Variants in TMEM132B observed in about 807,000 individuals in gnomAD.
The protein encoded by TMEM132B is transmembrane protein 132B.
Under a neutral mutation model 90.8 loss-of-function variants are expected in TMEM132B, and 18 were observed. The observed-to-expected ratio is 0.20, with a 90% confidence interval of 0.14 to 0.29. The LOEUF (loss-of-function observed/expected upper bound fraction) is 0.29. TMEM132B is among the 10% of genes least tolerant of loss of function. The pLI, the probability that TMEM132B is intolerant of heterozygous loss-of-function variation, is 1.00. For missense variants in TMEM132B, 1,096 were observed against 1,326.8 expected (o/e 0.83, Z 2.70); for synonymous variants, 504 against 523.3 (o/e 0.96, Z 0.50).
chr12:125,549,072 T>C (rs955675138), intron 4 of TMEM132B, among the ~76,000 whole-genome samples: 2 of 152,204 alleles, frequency 1.3e-5, no homozygotes, highest in African/African-American at 4.8e-5. Flanking sequence ...AGGGAAATGA[T>C]TGGTCCTAAG....
intron 4 of TMEM132B, among the ~76,000 whole-genome samples, chr12:125,559,384 G>T (rs1884466166): frequency 6.6e-6 from 1 of 152,102 alleles, no homozygotes; most frequent in Non-Finnish European, 1.5e-5. Context: ...CACAGAAAAA[G>T]ACCCAAGTTC....
chr12:125,194,135 A>G (rs759689517), intron 1 of TMEM132B, among the ~76,000 whole-genome samples: 2 of 152,202 alleles, frequency 1.3e-5, no homozygotes, highest in African/African-American at 2.4e-5. Flanking sequence ...TAACTGATCA[A>G]TACCCTCTCC....
intron 5 of TMEM132B, among the ~76,000 whole-genome samples, chr12:125,641,470 C>T (rs1404808993): frequency 6.6e-6 from 1 of 152,060 alleles, no homozygotes; most frequent in Non-Finnish European, 1.5e-5. Flanking sequence ...GTATGATTAG[C>T]CTTATTTGTG....
At chr12:125,457,260 A>C (rs1366301424) in intron 3 of TMEM132B, among the ~76,000 whole-genome samples, 2 of 152,112 alleles carry the variant, frequency 1.3e-5, no homozygotes, top group Non-Finnish European at 2.9e-5. Context: ...TTCTCCCCTA[A>C]GACTGTCTTT....
chr12:125,385,218 C>CA (rs951137881), intron 2 of TMEM132B, among the ~76,000 whole-genome samples: 4 of 151,922 alleles, frequency 2.6e-5, no homozygotes, highest in African/African-American at 9.7e-5. Context: ...GCTCTCACAG[C>CA]AAAAAAGATT....
chr12:125,606,058 T>C (rs1885688463), intron 5 of TMEM132B, among the ~76,000 whole-genome samples: 1 of 152,196 alleles, frequency 6.6e-6, no homozygotes, highest in Non-Finnish European at 1.5e-5. Context: ...GGGAACAATG[T>C]ATTGTATGTC....
At chr12:125,249,825 T>C (rs1874279017) in intron 1 of TMEM132B, among the ~76,000 whole-genome samples, 1 of 152,196 alleles carries the variant, frequency 6.6e-6, no homozygotes, top group Non-Finnish European at 1.5e-5. Flanking sequence ...CTTAATCTCA[T>C]GTCACAGTTA....
intron 1 of TMEM132B, among the ~76,000 whole-genome samples, chr12:125,307,013 C>T (rs1225712765): frequency 6.6e-6 from 1 of 152,226 alleles, no homozygotes; most frequent in Non-Finnish European, 1.5e-5. Context: ...GGGACCTCCT[C>T]CTTTCCCTTT....
intron 4 of TMEM132B, among the ~76,000 whole-genome samples, chr12:125,546,718 A>G (rs188007346): frequency 6.6e-6 from 1 of 152,232 alleles, no homozygotes; most frequent in Non-Finnish European, 1.5e-5. Flanking sequence ...TCCAGTTTTT[A>G]TTACTAAAGC....
At chr12:125,387,132 C>T (rs1423595518) in intron 2 of TMEM132B, among the ~76,000 whole-genome samples, 1 of 145,372 alleles carries the variant, frequency 6.9e-6, no homozygotes. Context: ...AAAGTATTTG[C>T]CTCTGCTTTT....
chr12:125,391,073 GTC>G (rs1488408202), intron 2 of TMEM132B, among the ~76,000 whole-genome samples: 1 of 146,714 alleles, frequency 6.8e-6, no homozygotes, highest in South Asian at 2.2e-4. Context: ...GTGTGTGTGT[GTC>G]TCACTATCAA....
intron 5 of TMEM132B, among the ~76,000 whole-genome samples, chr12:125,592,026 TG>T: frequency 6.6e-6 from 1 of 152,310 alleles, no homozygotes; most frequent in East Asian, 1.9e-4. Context: ...TTTCAAGTTC[TG>T]GGGTTTAGGG....
intron 8 of TMEM132B, 97 bp from the exon 9 acceptor site, chr12:125,653,468 C>T: frequency 7.6e-7 from 1 of 1,321,672 alleles, no homozygotes; most frequent in Non-Finnish European, 1.0e-6. Flanking sequence ...GAAATCTTCT[C>T]CTTATATTTA....
At chr12:125,399,514 T>C (rs934076276) in intron 2 of TMEM132B, among the ~76,000 whole-genome samples, 2 of 141,918 alleles carry the variant, frequency 1.4e-5, no homozygotes, top group Non-Finnish European at 3.0e-5. Flanking sequence ...TGTGTGTGTG[T>C]GTGTATTGAG....
intron 1 of TMEM132B, among the ~76,000 whole-genome samples, chr12:125,253,011 G>T (rs113546717): frequency 1.3e-5 from 2 of 152,210 alleles, no homozygotes; most frequent in Admixed American, 6.5e-5. Flanking sequence ...CTGGAGCCCC[G>T]TGGAGCCGGG....
At chr12:125,469,891 G>A (rs1881664736) in intron 3 of TMEM132B, among the ~76,000 whole-genome samples, 1 of 152,150 alleles carries the variant, frequency 6.6e-6, no homozygotes, top group Non-Finnish European at 1.5e-5. Flanking sequence ...TACACCAGAT[G>A]GTTCTCTGGT....
intron 1 of TMEM132B, among the ~76,000 whole-genome samples, chr12:125,212,874 C>T (rs189994546): frequency 4.0e-4 from 61 of 152,182 alleles, no homozygotes; most frequent in Middle Eastern, 6.8e-3. Flanking sequence ...AACCTATCAT[C>T]GACAGGGTCT....
intron 3 of TMEM132B, among the ~76,000 whole-genome samples, chr12:125,444,572 A>G (rs762607117): frequency 9.9e-5 from 15 of 152,200 alleles, no homozygotes; most frequent in Non-Finnish European, 2.2e-4. Flanking sequence ...ATGCATTCCA[A>G]GAAGTGATGG....
At chr12:125,350,784 T>C (rs920687065) in intron 2 of TMEM132B, among the ~76,000 whole-genome samples, 2 of 152,216 alleles carry the variant, frequency 1.3e-5, no homozygotes, top group Non-Finnish European at 2.9e-5. Flanking sequence ...GGATGCGTCT[T>C]AGTTGCAAGA....
Sources: allele counts gnomAD v4.1 joint callset (sites outside exome capture counted in the v4.1 genomes callset), GRCh38; gene constraint gnomAD v4.1.1; transcripts MANE v1.5; gene names NCBI Gene and HGNC (gene_info 2026-07-23, HGNC 2026-07-21).